Variants in ANAPC1 observed in about 807,000 individuals in gnomAD.
ANAPC1 encodes anaphase-promoting complex subunit 1.
In ANAPC1, 36 loss-of-function variants were observed where a neutral mutation model predicts 208.0. That is an observed-to-expected ratio of 0.17 (90% confidence interval 0.13 to 0.23). ANAPC1 has a LOEUF of 0.23. ANAPC1 is among the 10% of genes least tolerant of loss of function. The probability of loss-of-function intolerance (pLI) is 1.00; values close to 1 mark genes in which losing one functional copy is unlikely to be tolerated. For synonymous variants in ANAPC1, 378 were observed against 695.2 expected, an observed-to-expected ratio of 0.54 and a Z score of 7.18; for missense variants, 942 against 2,011.6, an observed-to-expected ratio of 0.47 and a Z score of 10.17.
intron 16 of ANAPC1, among the ~76,000 whole-genome samples, chr2:111,844,031 C>G (rs1297888391): frequency 6.6e-6 from 1 of 151,858 alleles, no homozygotes; most frequent in Admixed American, 6.6e-5. Context: ...ACCATGTTGG[C>G]CAGGCTAGTC....
At chr2:111,859,410 G>A (rs1172998765) in intron 10 of ANAPC1, among the ~76,000 whole-genome samples, 1 of 152,076 alleles carries the variant, frequency 6.6e-6, no homozygotes, top group African/African-American at 2.4e-5. Context: ...GGCAGAGGTT[G>A]CGGTGAGCCA....
At chr2:111,801,344 G>C (rs1476814110) in intron 33 of ANAPC1, among the ~76,000 whole-genome samples, 160 of 146,126 alleles carry the variant, frequency 1.1e-3, no homozygotes, top group African/African-American at 4.0e-3. Context: ...GCCACAGAGT[G>C]AGACTCCATC....
intron 24 of ANAPC1, among the ~76,000 whole-genome samples, chr2:111,824,656 T>G (rs952519437): frequency 3.3e-5 from 5 of 152,320 alleles, no homozygotes; most frequent in African/African-American, 1.2e-4. Flanking sequence ...CACAATGATT[T>G]CAGGTGTGTA....
intron 21 of ANAPC1, among the ~76,000 whole-genome samples, chr2:111,827,769 A>T (rs182911827): frequency 0.018 from 2,674 of 152,220 alleles, 31 homozygotes; most frequent in Non-Finnish European, 0.028. Context: ...TAAAAAAAAT[A>T]AAAAATAAAA....
intron 13 of ANAPC1, 25 bp downstream of exon 13, chr2:111,856,589 G>T: frequency 2.5e-6 from 4 of 1,597,198 alleles, no homozygotes; most frequent in Non-Finnish European, 2.6e-6. Context: ...CCTACTAAAG[G>T]CATGAAGTGC....
At chr2:111,842,206 C>T (rs1486816626) in intron 17 of ANAPC1, among the ~76,000 whole-genome samples, 1 of 151,924 alleles carries the variant, frequency 6.6e-6, no homozygotes, top group African/African-American at 2.4e-5. Context: ...TTTAATGATA[C>T]GGGAAATTTT....
intron 19 of ANAPC1, 54 bp from the exon 20 acceptor site, chr2:111,833,365 A>T: frequency 6.6e-7 from 1 of 1,503,930 alleles, no homozygotes; most frequent in Non-Finnish European, 9.0e-7. Flanking sequence ...TTCTCCCAAC[A>T]GAATTGGAAG....
At position 111,772,467 on chromosome 2, in the gene ANAPC1, C is replaced by T. The variant is rs753847050; in HGVS notation, c.5593G>A (p.Asp1865Asn). The change falls in exon 47 of 48, where the codon GAT becomes AAT. Residue 1865 changes from aspartate (D) to asparagine (N), a missense_variant. Coordinates refer to ENST00000341068, the MANE Select transcript of ANAPC1 (RefSeq NM_022662.4). ...CTGAGGTAGGCGTGCACACACATAT[C>T]ACCCCCGACTGTGAGAGAAACAAAT... ...TLDQWLQVGG[D>N]MCVHAYLSGQ... 31 of 1,458,782 alleles carry T rather than the reference C, an allele frequency of 2.1e-5. No homozygotes were observed. Among genetic ancestry groups the T allele is most frequent in the Middle Eastern group, 1.8e-4 (1 of 5,556 alleles). 90.4% of individuals were successfully genotyped at this position (1,458,782 alleles called of 1,614,324 possible).
At chr2:111,773,729 T>C (rs968126418) in intron 46 of ANAPC1, among the ~76,000 whole-genome samples, 1 of 151,894 alleles carries the variant, frequency 6.6e-6, no homozygotes, top group Non-Finnish European at 1.5e-5. Context: ...GAAAACAGCA[T>C]ATTCAATGGC....
chr2:111,862,875 C>G (rs1485187835), intron 9 of ANAPC1, among the ~76,000 whole-genome samples: 3 of 151,884 alleles, frequency 2.0e-5, no homozygotes, highest in Admixed American at 2.0e-4. Flanking sequence ...AATGATTATT[C>G]AAAAAGCTCT....
At position 111,873,593 on chromosome 2, in the gene ANAPC1, A is replaced by G; in HGVS notation, c.427+20T>C. The G allele has an allele frequency of 6.5e-7, 1 of 1,550,324 alleles. No homozygotes were observed. The highest frequency in any genetic ancestry group is 8.6e-7 in the Non-Finnish European group (1 of 1,156,824). ...TTTGGAATCATCATAAGAAAAATAA[A>G]ATTTCAAAAAGAAACTTACTGTAGG... On this transcript the variant is annotated intron_variant, in intron 4 of 47. Coordinates refer to ENST00000341068, the MANE Select transcript of ANAPC1 (RefSeq NM_022662.4).
intron 38 of ANAPC1, among the ~76,000 whole-genome samples, chr2:111,790,550 T>A (rs541172761): frequency 6.6e-6 from 1 of 152,156 alleles, no homozygotes. Context: ...GAAAAAAACA[T>A]GGAGAAAAAT....
intron 17 of ANAPC1, among the ~76,000 whole-genome samples, chr2:111,842,449 C>CGGAT (rs1241497581): frequency 6.6e-6 from 1 of 151,956 alleles, no homozygotes; most frequent in Non-Finnish European, 1.5e-5. Context: ...CAAGACCATC[C>CGGAT]TGGCTAACAC....
chr2:111,840,702 A>T (rs2104487658), intron 17 of ANAPC1, among the ~76,000 whole-genome samples: 1 of 152,338 alleles, frequency 6.6e-6, no homozygotes, highest in East Asian at 1.9e-4. Flanking sequence ...CATGTAATAA[A>T]GAACAGAAAA....
At chr2:111,851,124 A>G (rs1413945569) in intron 13 of ANAPC1, among the ~76,000 whole-genome samples, 1 of 149,692 alleles carries the variant, frequency 6.7e-6, no homozygotes, top group Non-Finnish European at 1.5e-5. Flanking sequence ...TTTTTTTGAG[A>G]TAAGATCTCA....
intron 17 of ANAPC1, among the ~76,000 whole-genome samples, chr2:111,841,511 G>A (rs1025831261): frequency 6.7e-6 from 1 of 150,352 alleles, no homozygotes; most frequent in Non-Finnish European, 1.5e-5. Flanking sequence ...AGAGGTAATG[G>A]CAAGTGCAAA....
intron 20 of ANAPC1, 58 bp from the exon 21 acceptor site, chr2:111,831,492 T>C: frequency 7.5e-7 from 1 of 1,332,940 alleles, no homozygotes. Flanking sequence ...CAACATTATT[T>C]TATTTTAAAC....
chr2:111,791,201 G>T (rs1387344611), intron 38 of ANAPC1, among the ~76,000 whole-genome samples: 1 of 150,370 alleles, frequency 6.7e-6, no homozygotes, highest in Non-Finnish European at 1.5e-5. Context: ...CAGAAATACA[G>T]AAATTAAAGC....
intron 47 of ANAPC1, 148 bp from the exon 48 acceptor site, chr2:111,769,554 T>C (rs1676605335): frequency 4.9e-6 from 3 of 613,792 alleles, no homozygotes; most frequent in Admixed American, 2.9e-5. Context: ...TTTAAAATTA[T>C]GAAATTCCTT....
Sources: gnomAD v4.1 joint callset for allele counts (sites outside exome capture counted in the v4.1 genomes callset) on GRCh38, gnomAD v4.1.1 for gene constraint, MANE v1.5 for transcripts, NCBI Gene and HGNC (gene_info 2026-07-23, HGNC 2026-07-21) for gene names.